The following SALL4 variants were observed in gnomAD, a reference collection of about 807,000 sequenced individuals.
SALL4 encodes the protein spalt like transcription factor 4.
Under a neutral mutation model 60.8 loss-of-function variants are expected in SALL4, and 4 were observed. The ratio of observed to expected loss-of-function variants is 0.07; its 90% CI spans 0.03 to 0.15. The LOEUF (loss-of-function observed/expected upper bound fraction) is 0.15, where lower values mean the gene tolerates loss of function less well. Ranked by LOEUF, SALL4 falls within the 10% of genes least tolerant of loss-of-function variation. SALL4 has a pLI of 1.00. For synonymous variants in SALL4, 580 were observed against 574.9 expected (o/e 1.01, Z -0.13); for missense variants, 1,178 against 1,394.7 (o/e 0.84, Z 2.48).
At chr20:51,794,026 C>T (rs950594894) in intron 1 of SALL4, among the ~76,000 whole-genome samples, 1 of 152,164 alleles carries the variant, frequency 6.6e-6, no homozygotes, top group Non-Finnish European at 1.5e-5. Flanking sequence ...ACTGGGCACG[C>T]GTAATCGCGA....
At position 51,783,567 on chromosome 20, in the gene SALL4, T is replaced by A. The variant is rs1337565781; in HGVS notation, c.*698A>T. ...TCTCCCCTCAATGAGGCTGTGTAGT[T>A]GTCTTTTCCACTGTTGTTCAGTAAG... On this transcript the variant is annotated 3_prime_UTR_variant, in exon 4 of 4. Coordinates refer to ENST00000217086, the MANE Select transcript of SALL4 (RefSeq NM_020436.5). 1 of 152,768 alleles carries A rather than the reference T, an allele frequency of 6.5e-6. No individual in the cohort carries two copies. Among genetic ancestry groups the A allele is most frequent in the Non-Finnish European group, 1.5e-5 (1 of 68,528 alleles). 9.5% of individuals were successfully genotyped at this position (152,768 alleles called of 1,614,324 possible).
rs767644374 is a variant in SALL4, at chr20:51,790,554, T to C, written c.1929A>G (p.Gln643=). ...GACCGCCCATGTGCATCCGAATATG[T>C]TGCTGCAGCATCACGGCATTAGTGA... ...KKFTNAVMLQ[Q]HIRMHMGGQI... The change falls in exon 2 of 4, where the codon CAA becomes CAG. Residue 643 remains glutamine (Q), a synonymous_variant. Transcript: ENST00000217086. This position sits in a 1 kb window ranked among gnomAD's most constrained non-coding sequence, Gnocchi z 5.5. 1.2e-6 allele frequency: 2 copies of C among 1,614,178 alleles called. No individual in the cohort carries two copies. The highest frequency in any genetic ancestry group is 1.7e-6 in the Non-Finnish European group (2 of 1,180,038).
At chr20:51,796,826 AT>A (rs1341622868) in intron 1 of SALL4, among the ~76,000 whole-genome samples, 1 of 151,906 alleles carries the variant, frequency 6.6e-6, no homozygotes, top group Non-Finnish European at 1.5e-5. Flanking sequence ...CTTTTAAGTT[AT>A]TTTTCCCTAA....
At chr20:51,795,406 C>CA (rs1568868011) in intron 1 of SALL4, among the ~76,000 whole-genome samples, 3 of 151,774 alleles carry the variant, frequency 2.0e-5, no homozygotes, top group Non-Finnish European at 4.4e-5. Flanking sequence ...GACTCCGTGT[C>CA]AAAAAAACAA....
At position 51,802,367 on chromosome 20, in the gene SALL4, C is replaced by G. The variant is rs137903141; in HGVS notation, c.42G>C (p.Ser14=). The change falls in exon 1 of 4, where the codon TCG becomes TCC. Residue 14 remains serine (S), a synonymous_variant. Transcript: ENST00000217086. ...RKQAKPQHIN[S]EEDQGEQQPQ... is the part of the protein sequence containing the mutation. The stretch of plus-strand genomic sequence containing the variant: ...GCTGCTGCTCGCCCTGGTCCTCCTC[C>G]GAGTTGATGTGCTGGGGTTTCGCCT... 1.1e-5 allele frequency: 17 copies of G among 1,611,488 alleles called. No individual in the cohort carries two copies. The Admixed American group carries it at 1.5e-4, about 14-fold the overall frequency.
chr20:51,800,703 A>C (rs2078104171), intron 1 of SALL4, among the ~76,000 whole-genome samples: 1 of 151,972 alleles, frequency 6.6e-6, no homozygotes, highest in Non-Finnish European at 1.5e-5. Flanking sequence ...CCAGGCCACG[A>C]AGCCTTCACG....
chr20:51,786,058 T>C (rs979067646), intron 3 of SALL4, among the ~76,000 whole-genome samples: 1 of 148,664 alleles, frequency 6.7e-6, no homozygotes, highest in African/African-American at 2.5e-5. Context: ...TACCTGGGAC[T>C]ACAGGTGCAC....
rs1286697279 is a variant in SALL4, at chr20:51,790,332, C to T, written c.2151G>A (p.Ser717=). 4.3e-6 allele frequency: 7 copies of T among 1,613,964 alleles called. No individual in the cohort carries two copies. The highest frequency in any genetic ancestry group is 2.2e-5 in the East Asian group (1 of 44,880). ...TGGCAAACCCTAGCGTGGGTGATGC[C>T]GAGTGGATGCTGGGAAGAGGCGTGG... ...KVPTPLPSIH[S]ASPTLGFAMM... The change falls in exon 2 of 4, where the codon TCG becomes TCA. Residue 717 remains serine (S), a synonymous_variant. Transcript: ENST00000217086. The surrounding 1 kb of genome is among the most constrained non-coding windows in gnomAD (Gnocchi z 5.5).
At chr20:51,785,040 C>T (rs1010251771) in intron 3 of SALL4, among the ~76,000 whole-genome samples, 2 of 152,190 alleles carry the variant, frequency 1.3e-5, no homozygotes, top group South Asian at 2.1e-4. Context: ...CGGTGGCTCA[C>T]GCCTGTAATC....
chr20:51,786,167 A>C (rs1405730331), intron 3 of SALL4, among the ~76,000 whole-genome samples: 1 of 147,270 alleles, frequency 6.8e-6, no homozygotes, highest in African/African-American at 2.5e-5. Context: ...GCTCAATGCA[A>C]GCTCCACCTC....
rs369331450 is a variant in SALL4 at position 51,797,937 on chromosome 20, C to A, written c.130+4342G>T. Among the ~76,000 whole-genome samples the A allele has an allele frequency of 1.9e-4, 29 of 152,264 alleles. 1 individual carries two copies. In the East Asian group the frequency reaches 3.3e-3, roughly 17 times the overall value. On this transcript the variant is annotated intron_variant, in intron 1 of 3. Transcript: ENST00000217086. ...GTATATCTTGATAAAAGCATTATGA[C>A]TCAAGCTTATCTTTTTTTCATTCCT...
At position 51,792,270 on chromosome 20, in the gene SALL4, C is replaced by T. The variant is rs141479802; in HGVS notation, c.213G>A (p.Thr71=). The T allele has an allele frequency of 5.2e-5, 84 of 1,612,790 alleles. No homozygotes were observed. The highest frequency in any genetic ancestry group is 6.4e-5 in the Non-Finnish European group (76 of 1,180,030). Residue 71 remains threonine, a synonymous_variant, in exon 2 of 4, where the codon ACG becomes ACA. Transcript: ENST00000217086. ...CCGCACAGCATTTCTCACAGACGTG[C>T]GTCTCCTCCCGACGAAGCCGCTTTA... ...ATVKRLRREE[T]HVCEKCCAEF...
At chr20:51,799,972 T>C (rs1336297900) in intron 1 of SALL4, among the ~76,000 whole-genome samples, 1 of 152,160 alleles carries the variant, frequency 6.6e-6, no homozygotes, top group Non-Finnish European at 1.5e-5. Flanking sequence ...TATGTATGTC[T>C]ACATTATATA....
intron 1 of SALL4, among the ~76,000 whole-genome samples, chr20:51,800,355 G>A (rs2078102058): frequency 6.6e-6 from 1 of 152,214 alleles, no homozygotes; most frequent in Non-Finnish European, 1.5e-5. Context: ...GCGCAAGCCG[G>A]GTGGGCTGTC....
chr20:51,787,415 C>T (rs1156391934), intron 3 of SALL4, among the ~76,000 whole-genome samples: 4 of 152,148 alleles, frequency 2.6e-5, no homozygotes, highest in South Asian at 2.1e-4. Flanking sequence ...CAGAGCAAAA[C>T]GACCATTCCC....
At chr20:51,798,825 G>A (rs771306807) in intron 1 of SALL4, among the ~76,000 whole-genome samples, 14 of 151,276 alleles carry the variant, frequency 9.3e-5, no homozygotes, top group African/African-American at 3.4e-4. Context: ...CTGACCTAAG[G>A]TTATTTTTAA....
intron 3 of SALL4, among the ~76,000 whole-genome samples, chr20:51,785,596 C>G (rs142590055): frequency 1.8e-4 from 28 of 152,302 alleles, no homozygotes; most frequent in African/African-American, 5.3e-4. Flanking sequence ...ATGTGAAAAC[C>G]TACTATATCC....
At chr20:51,794,956 G>A (rs757625687) in intron 1 of SALL4, among the ~76,000 whole-genome samples, 1 of 152,136 alleles carries the variant, frequency 6.6e-6, no homozygotes, top group Non-Finnish European at 1.5e-5. Context: ...AAGCCTGGGA[G>A]GTTGCCTTGG....
Position 51,792,015 on chromosome 20 carries a change from C to G in SALL4, c.468G>C (p.Lys156Asn), listed in dbSNP as rs1418950036. Residue 156 changes from lysine to asparagine, a missense_variant, in exon 2 of 4, where the codon AAG (lysine) becomes AAC (asparagine). Transcript: ENST00000217086. ...KPDAESVVYL[K>N]TETALPPTPQ... ...GGGTGGGTGGCAGGGCTGTCTCTGT[C>G]TTTAGGTACACCACAGACTCCGCAT... 1 of 1,614,154 alleles carries G rather than the reference C, an allele frequency of 6.2e-7. No individual in the cohort carries two copies. Among genetic ancestry groups the G allele is most frequent in the East Asian group, 2.2e-5 (1 of 44,864 alleles).
Sources: allele counts gnomAD v4.1 joint callset (sites outside exome capture counted in the v4.1 genomes callset), GRCh38; gene constraint gnomAD v4.1.1; non-coding constraint Gnocchi (gnomAD v3.1); transcripts MANE v1.5; gene names NCBI Gene and HGNC (gene_info 2026-07-23, HGNC 2026-07-21).